The following KSR2 variants were observed in gnomAD, a reference collection of about 807,000 sequenced individuals.
The protein encoded by KSR2 is kinase suppressor of ras 2.
A neutral mutation model predicts 107.8 loss-of-function variants in KSR2; 25 were observed. The ratio of observed to expected loss-of-function variants is 0.23; its 90% CI spans 0.17 to 0.32. The LOEUF is 0.32. Among genes scored for constraint, KSR2 ranks in the 10% least tolerant of loss-of-function variants. The pLI is 1.00. For missense variants in KSR2, 887 were observed against 1,268.9 expected, an observed-to-expected ratio of 0.70 and a Z score of 4.57; for synonymous variants, 480 against 507.0, an observed-to-expected ratio of 0.95 and a Z score of 0.71.
At chr12:117,831,602 G>A (rs1251464397) in intron 3 of KSR2, among the ~76,000 whole-genome samples, 1 of 152,182 alleles carries the variant, frequency 6.6e-6, no homozygotes, top group African/African-American at 2.4e-5. Flanking sequence ...AGTAACAATA[G>A]TTATTACCCA....
At chr12:117,599,331 T>G (rs1384111045) in intron 5 of KSR2, among the ~76,000 whole-genome samples, 1 of 152,166 alleles carries the variant, frequency 6.6e-6, no homozygotes, top group Non-Finnish European at 1.5e-5. Context: ...GTTCCCAAAC[T>G]TCACGCATCA....
At chr12:117,643,408 C>G (rs897811050) in intron 5 of KSR2, among the ~76,000 whole-genome samples, 29 of 152,308 alleles carry the variant, frequency 1.9e-4, no homozygotes, top group Admixed American at 1.5e-3. Context: ...GATTGTGCCA[C>G]TGCACTCTAG....
chr12:117,767,338 G>A (rs1189574992), intron 3 of KSR2, among the ~76,000 whole-genome samples: 3 of 151,374 alleles, frequency 2.0e-5, no homozygotes, highest in Non-Finnish European at 4.4e-5. Flanking sequence ...GCTGGAGGCT[G>A]AGGCAGGAGA....
intron 1 of KSR2, among the ~76,000 whole-genome samples, chr12:117,945,682 T>A (rs1182592503): frequency 1.1e-4 from 17 of 151,938 alleles, no homozygotes; most frequent in Non-Finnish European, 1.5e-5. Flanking sequence ...TCCAAAAAAA[T>A]AATAATAACA....
At chr12:117,758,490 G>C (rs1470623403) in intron 4 of KSR2, among the ~76,000 whole-genome samples, 1 of 152,054 alleles carries the variant, frequency 6.6e-6, no homozygotes, top group African/African-American at 2.4e-5. Context: ...TCCTTGCCAT[G>C]AACCACAGCA....
chr12:117,555,672 T>C (rs956192358), intron 8 of KSR2, among the ~76,000 whole-genome samples: 1 of 152,224 alleles, frequency 6.6e-6, no homozygotes, highest in African/African-American at 2.4e-5. Context: ...TTCTAACCTC[T>C]GTGTTAGGAT....
intron 3 of KSR2, among the ~76,000 whole-genome samples, chr12:117,848,334 G>T (rs1195843179): frequency 1.3e-5 from 2 of 152,194 alleles, no homozygotes; most frequent in Non-Finnish European, 2.9e-5. Flanking sequence ...GTCCTCAGAC[G>T]CTGAAGTTCC....
chr12:117,632,269 G>A (rs1241899953), intron 5 of KSR2, among the ~76,000 whole-genome samples: 1 of 123,794 alleles, frequency 8.1e-6, no homozygotes, highest in Non-Finnish European at 1.6e-5. Flanking sequence ...CTGTCACCTG[G>A]GTTGGAGTGC....
intron 4 of KSR2, among the ~76,000 whole-genome samples, chr12:117,670,679 C>A (rs146219630): frequency 3.3e-5 from 5 of 152,154 alleles, no homozygotes; most frequent in African/African-American, 1.2e-4. Context: ...AGAAACCCCA[C>A]GCAGATATTT....
chr12:117,700,437 A>G (rs1202813089), intron 4 of KSR2, among the ~76,000 whole-genome samples: 2 of 152,176 alleles, frequency 1.3e-5, no homozygotes, highest in Non-Finnish European at 2.9e-5. Context: ...TTGCCTATCC[A>G]GCCATGATCT....
chr12:117,472,681 GT>G (rs1239798926), intron 17 of KSR2, among the ~76,000 whole-genome samples: 1 of 152,170 alleles, frequency 6.6e-6, no homozygotes, highest in Non-Finnish European at 1.5e-5. Flanking sequence ...GGAAGGGGTG[GT>G]GATGCTCAGG....
intron 3 of KSR2, among the ~76,000 whole-genome samples, chr12:117,793,910 AC>A: frequency 7.1e-6 from 1 of 140,832 alleles, no homozygotes; most frequent in Admixed American, 7.1e-5. Flanking sequence ...ATGCACACTC[AC>A]ACCAACATGC....
intron 10 of KSR2, among the ~76,000 whole-genome samples, chr12:117,538,112 T>C (rs79737456): frequency 7.0e-6 from 1 of 142,982 alleles, no homozygotes; most frequent in Non-Finnish European, 1.5e-5. Context: ...TCTTTTTTTT[T>C]CCCTTCATCC....
At chr12:117,591,207 T>C (rs944402686) in intron 5 of KSR2, among the ~76,000 whole-genome samples, 1 of 152,196 alleles carries the variant, frequency 6.6e-6, no homozygotes, top group Non-Finnish European at 1.5e-5. Flanking sequence ...ATGCAACTTC[T>C]GAAATCTGGG....
chr12:117,684,623 G>A (rs890235120), intron 4 of KSR2, among the ~76,000 whole-genome samples: 8 of 152,120 alleles, frequency 5.3e-5, no homozygotes, highest in Non-Finnish European at 1.0e-4. Flanking sequence ...GTAAGTGCCT[G>A]TACCAGCCCA....
intron 4 of KSR2, among the ~76,000 whole-genome samples, chr12:117,688,176 T>A (rs1320080394): frequency 6.6e-6 from 1 of 152,120 alleles, no homozygotes; most frequent in East Asian, 1.9e-4. Flanking sequence ...GGTCAGGAGT[T>A]CGATACCAGC....
chr12:117,718,313 C>A (rs1045463426), intron 4 of KSR2, among the ~76,000 whole-genome samples: 1 of 152,196 alleles, frequency 6.6e-6, no homozygotes, highest in Non-Finnish European at 1.5e-5. Flanking sequence ...CCTCTGGAAC[C>A]ACTTTACTGA....
chr12:117,630,624 C>T (rs932048276), intron 5 of KSR2, among the ~76,000 whole-genome samples: 2 of 151,924 alleles, frequency 1.3e-5, no homozygotes, highest in African/African-American at 4.8e-5. Context: ...CAAAGGGAAA[C>T]GAGGAGTTAG....
At chr12:117,591,962 T>C (rs975487206) in intron 5 of KSR2, among the ~76,000 whole-genome samples, 2 of 151,758 alleles carry the variant, frequency 1.3e-5, no homozygotes, top group African/African-American at 2.4e-5. Flanking sequence ...TGAGCTGAGA[T>C]TGTGCCACTG....
Sources: gnomAD v4.1 joint callset for allele counts (sites outside exome capture counted in the v4.1 genomes callset) on GRCh38, gnomAD v4.1.1 for gene constraint, MANE v1.5 for transcripts, NCBI Gene and HGNC (gene_info 2026-07-23, HGNC 2026-07-21) for gene names.